The following PARD3B variants were observed in gnomAD, a reference collection of about 807,000 sequenced individuals.
The protein encoded by PARD3B is partitioning defective 3 homolog B.
PARD3B carries 103 observed loss-of-function variants against 130.2 expected under a neutral mutation model. The observed-to-expected ratio is 0.79, with a 90% CI of 0.67 to 0.93. The LOEUF (loss-of-function observed/expected upper bound fraction) is 0.93, where lower values mean the gene tolerates loss of function less well. Among genes scored for constraint, PARD3B ranks in the 40% least tolerant of loss-of-function variants. The pLI is 0.00. For synonymous variants in PARD3B, 583 were observed against 553.2 expected, an observed-to-expected ratio of 1.05 and a Z score of -0.76; for missense variants, 1,609 against 1,499.2, an observed-to-expected ratio of 1.07 and a Z score of -1.21.
chr2:204,849,583 A>G (rs1254745537), intron 2 of PARD3B, among the ~76,000 whole-genome samples: 1 of 152,202 alleles, frequency 6.6e-6, no homozygotes, highest in Non-Finnish European at 1.5e-5. Flanking sequence ...TATCATCCCA[A>G]AACGCTAATT....
chr2:205,226,231 C>T (rs554344603), intron 15 of PARD3B, among the ~76,000 whole-genome samples: 36 of 152,022 alleles, frequency 2.4e-4, no homozygotes, highest in African/African-American at 7.2e-4. Context: ...TTAGTAGAGA[C>T]GAGGTTTCAT....
chr2:204,665,115 T>TG (rs1010608988), intron 1 of PARD3B, among the ~76,000 whole-genome samples: 1 of 151,960 alleles, frequency 6.6e-6, no homozygotes, highest in African/African-American at 2.4e-5. Context: ...TTTTTGTTTT[T>TG]TTTTTTGTCT....
intron 15 of PARD3B, among the ~76,000 whole-genome samples, chr2:205,237,841 C>A (rs543601362): frequency 1.3e-5 from 2 of 152,072 alleles, no homozygotes; most frequent in Non-Finnish European, 1.5e-5. Flanking sequence ...TATATTTATT[C>A]CAAACAGTTC....
chr2:205,363,822 G>A (rs927338647), intron 18 of PARD3B, among the ~76,000 whole-genome samples: 4 of 139,146 alleles, frequency 2.9e-5, no homozygotes, highest in African/African-American at 5.6e-5. Context: ...GCGCCACAAC[G>A]CCTGACTGAC....
chr2:205,127,869 C>T (rs2031615655), intron 10 of PARD3B, among the ~76,000 whole-genome samples: 1 of 152,200 alleles, frequency 6.6e-6, no homozygotes, highest in African/African-American at 2.4e-5. Flanking sequence ...AGAAATGATG[C>T]AGAAACTTGG....
At chr2:204,804,080 T>C (rs1190246402) in intron 2 of PARD3B, among the ~76,000 whole-genome samples, 1 of 151,974 alleles carries the variant, frequency 6.6e-6, no homozygotes, top group Admixed American at 6.6e-5. Context: ...AAAAATAAAT[T>C]AGCCAGGTGT....
At chr2:204,627,242 T>C (rs1366475455) in intron 1 of PARD3B, among the ~76,000 whole-genome samples, 1 of 152,198 alleles carries the variant, frequency 6.6e-6, no homozygotes, top group Non-Finnish European at 1.5e-5. Context: ...GTACTATCTT[T>C]ATGGCAGTGT....
chr2:204,674,717 G>A (rs909773923), intron 1 of PARD3B, among the ~76,000 whole-genome samples: 5 of 152,114 alleles, frequency 3.3e-5, no homozygotes, highest in African/African-American at 1.2e-4. Context: ...CTGTGTTCAA[G>A]TGAAGAGCTA....
intron 16 of PARD3B, among the ~76,000 whole-genome samples, chr2:205,279,334 A>G (rs2041099232): frequency 6.6e-6 from 1 of 151,946 alleles, no homozygotes; most frequent in Non-Finnish European, 1.5e-5. Flanking sequence ...ACTATACCTC[A>G]CACGTGTTTG....
intron 2 of PARD3B, among the ~76,000 whole-genome samples, chr2:204,902,822 A>C (rs551833677): frequency 6.6e-6 from 1 of 152,306 alleles, no homozygotes; most frequent in Middle Eastern, 3.4e-3. Flanking sequence ...ATTTGGACAA[A>C]ATGAAGTTAT....
intron 4 of PARD3B, among the ~76,000 whole-genome samples, chr2:205,092,811 T>G (rs114166809): frequency 0.01 from 1,540 of 152,258 alleles, 22 homozygotes; most frequent in African/African-American, 0.035. Flanking sequence ...TCTCAGCTGG[T>G]GAGAATGTGA....
At chr2:204,821,339 G>A (rs2043344029) in intron 2 of PARD3B, among the ~76,000 whole-genome samples, 1 of 152,018 alleles carries the variant, frequency 6.6e-6, no homozygotes, top group Non-Finnish European at 1.5e-5. Flanking sequence ...AGAAAATGTG[G>A]CAAACATACA....
chr2:205,045,350 G>A (rs769329166), intron 3 of PARD3B, among the ~76,000 whole-genome samples: 3 of 151,754 alleles, frequency 2.0e-5, no homozygotes, highest in Non-Finnish European at 2.9e-5. Flanking sequence ...CCGGGTTCAA[G>A]TGATTCTCCT....
chr2:205,433,782 C>T (rs192670539), intron 19 of PARD3B, among the ~76,000 whole-genome samples: 137 of 152,198 alleles, frequency 9.0e-4, no homozygotes, highest in African/African-American at 3.0e-3. Flanking sequence ...CAACTTCTTT[C>T]ACTAAGGATG....
chr2:205,254,711 T>C (rs1177462689), intron 16 of PARD3B, among the ~76,000 whole-genome samples: 3 of 151,152 alleles, frequency 2.0e-5, no homozygotes, highest in African/African-American at 7.3e-5. Flanking sequence ...TCGCCCAGAC[T>C]GGAGTGCAGT....
intron 2 of PARD3B, among the ~76,000 whole-genome samples, chr2:204,811,823 A>C (rs549138244): frequency 2.8e-3 from 421 of 152,292 alleles, no homozygotes; most frequent in African/African-American, 9.0e-3. Context: ...AAAAAACAAA[A>C]AACAAAAAAC....
At chr2:205,168,295 G>GAC (rs2034937118) in intron 11 of PARD3B, among the ~76,000 whole-genome samples, 1 of 108,950 alleles carries the variant, frequency 9.2e-6, no homozygotes, top group Non-Finnish European at 2.1e-5. Context: ...AAGGGAGAGA[G>GAC]AGAGAGAGAG....
In PARD3B at chr2:205,253,691, T is replaced by C. The variant is rs1209866958; in HGVS notation, c.2185+7869T>C. ...TGAAGGTAGTAGAAGGCAAGGATGA[T>C]TGGGAGTAGAAGGAAGAGTGACAGG... On this transcript the variant is annotated intron_variant, in intron 16 of 22. Coordinates refer to ENST00000406610, the MANE Select transcript of PARD3B (RefSeq NM_001302769.2). The surrounding 1 kb of genome is among the most constrained non-coding windows in gnomAD (Gnocchi z 4.4). 3.9e-5 allele frequency among the ~76,000 whole-genome samples: 6 copies of C among 151,934 alleles called. 1 individual carries two copies. The highest frequency in any genetic ancestry group is 7.4e-5 in the Non-Finnish European group (5 of 67,968).
intron 19 of PARD3B, among the ~76,000 whole-genome samples, chr2:205,415,675 A>T (rs931287446): frequency 6.6e-6 from 1 of 152,166 alleles, no homozygotes; most frequent in Admixed American, 6.6e-5. Flanking sequence ...GATATCAATT[A>T]CCTTGGTCCA....
Sources: gnomAD v4.1 joint callset for allele counts (sites outside exome capture counted in the v4.1 genomes callset) on GRCh38, gnomAD v4.1.1 for gene constraint, Gnocchi (gnomAD v3.1) non-coding constraint, MANE v1.5 for transcripts, NCBI Gene and HGNC (gene_info 2026-07-23, HGNC 2026-07-21) for gene names.